ITGBL1: variants seen among roughly 807,000 people sequenced by gnomAD.
ITGBL1 encodes integrin beta-like protein 1.
ITGBL1 carries 51 observed loss-of-function variants against 68.5 expected under a neutral mutation model. That is an observed-to-expected ratio of 0.74 (90% CI 0.59 to 0.94). ITGBL1 has a LOEUF of 0.94. Among genes scored for constraint, ITGBL1 ranks in the 40% least tolerant of loss-of-function variants. The probability of loss-of-function intolerance (pLI) is 0.00; values close to 1 mark genes in which losing one functional copy is unlikely to be tolerated. For missense variants in ITGBL1, 649 were observed against 647.4 expected (o/e 1.00, Z -0.03); for synonymous variants, 209 against 227.3 (o/e 0.92, Z 0.72).
chr13:101,673,409 T>C (rs190710620), intron 7 of ITGBL1, among the ~76,000 whole-genome samples: 8 of 152,284 alleles, frequency 5.3e-5, no homozygotes, highest in Non-Finnish European at 1.0e-4. Flanking sequence ...AGCTATAAGA[T>C]ACGAAATGAT....
intron 9 of ITGBL1, among the ~76,000 whole-genome samples, chr13:101,708,598 T>C (rs1261763452): frequency 6.6e-6 from 1 of 152,210 alleles, no homozygotes; most frequent in African/African-American, 2.4e-5. Context: ...CAGTAGCTTT[T>C]GTTTTGCCTC....
chr13:101,475,718 C>A (rs1448833576), intron 2 of ITGBL1, among the ~76,000 whole-genome samples: 1 of 147,524 alleles, frequency 6.8e-6, no homozygotes, highest in Non-Finnish European at 1.5e-5. Context: ...AACTCCAATA[C>A]ATTGGAGCAG....
intron 7 of ITGBL1, among the ~76,000 whole-genome samples, chr13:101,628,409 A>T (rs1374871711): frequency 1.3e-5 from 2 of 150,092 alleles, no homozygotes; most frequent in African/African-American, 4.9e-5. Flanking sequence ...TGTTCTCTTG[A>T]TATTTCTTTT....
chr13:101,663,455 C>T (rs1484512184), intron 7 of ITGBL1, among the ~76,000 whole-genome samples: 1 of 152,136 alleles, frequency 6.6e-6, no homozygotes, highest in Admixed American at 6.6e-5. Context: ...TTAAAACTGT[C>T]ATCAAAATGG....
intron 7 of ITGBL1, among the ~76,000 whole-genome samples, chr13:101,659,837 G>C (rs1434723204): frequency 6.6e-6 from 1 of 152,152 alleles, no homozygotes; most frequent in African/African-American, 2.4e-5. Context: ...ATGCCAGTGT[G>C]TTTGGACCTC....
At chr13:101,665,836 A>T (rs865893246) in intron 7 of ITGBL1, among the ~76,000 whole-genome samples, 21 of 152,300 alleles carry the variant, frequency 1.4e-4, no homozygotes, top group Middle Eastern at 3.4e-3. Flanking sequence ...GACTGCCAAA[A>T]CCACAGCGTT....
chr13:101,717,746 G>A (rs903723588), downstream of ITGBL1: 7 of 152,064 alleles, frequency 4.6e-5, no homozygotes, highest in Admixed American at 1.3e-4. Flanking sequence ...CCATACAAAA[G>A]CAACTTAAGG....
intron 7 of ITGBL1, among the ~76,000 whole-genome samples, chr13:101,632,721 T>G (rs1429407886): frequency 6.6e-6 from 1 of 152,218 alleles, no homozygotes; most frequent in African/African-American, 2.4e-5. Flanking sequence ...TTAATTTGGG[T>G]GAAAGATACA....
At chr13:101,705,608 C>G (rs1306387989) in intron 8 of ITGBL1, among the ~76,000 whole-genome samples, 1 of 151,562 alleles carries the variant, frequency 6.6e-6, no homozygotes, top group Non-Finnish European at 1.5e-5. Flanking sequence ...ATTCCTATCA[C>G]TCCTAAAAAA....
intron 2 of ITGBL1, among the ~76,000 whole-genome samples, chr13:101,540,146 G>A (rs987309336): frequency 4.6e-5 from 7 of 152,106 alleles, no homozygotes; most frequent in Non-Finnish European, 8.8e-5. Context: ...GTCCTGAATG[G>A]TATTGCCTAG....
intron 7 of ITGBL1, among the ~76,000 whole-genome samples, chr13:101,608,433 C>A (rs1289273008): frequency 6.6e-6 from 1 of 151,070 alleles, no homozygotes; most frequent in African/African-American, 2.4e-5. Context: ...ACAGCTGAAT[C>A]ATTACCTTTC....
chr13:101,513,803 A>G (rs990803913), intron 2 of ITGBL1, among the ~76,000 whole-genome samples: 2 of 152,118 alleles, frequency 1.3e-5, no homozygotes. Flanking sequence ...TCACATCTGC[A>G]GTAATTATTT....
At chr13:101,550,805 CT>C (rs1485154518) in intron 2 of ITGBL1, among the ~76,000 whole-genome samples, 1 of 152,088 alleles carries the variant, frequency 6.6e-6, no homozygotes, top group Admixed American at 6.6e-5. Flanking sequence ...CTTTTAATTC[CT>C]TTCTATTTTC....
chr13:101,720,696 A>C (rs1461980992), downstream of ITGBL1: 1 of 152,026 alleles, frequency 6.6e-6, no homozygotes, highest in African/African-American at 2.4e-5. Flanking sequence ...GTTTTCTGAA[A>C]ATAATTGGTT....
chr13:101,596,428 C>T (rs1235035184), intron 6 of ITGBL1, among the ~76,000 whole-genome samples: 1 of 151,754 alleles, frequency 6.6e-6, no homozygotes, highest in Non-Finnish European at 1.5e-5. Flanking sequence ...TAGATATTCC[C>T]ACTGCACATA....
At chr13:101,634,743 G>C (rs1204410506) in intron 7 of ITGBL1, among the ~76,000 whole-genome samples, 1 of 151,998 alleles carries the variant, frequency 6.6e-6, no homozygotes, top group Non-Finnish European at 1.5e-5. Flanking sequence ...ATATAAACAA[G>C]AAACAAAGGA....
chr13:101,685,226 GTCT>G (rs2033728036), intron 7 of ITGBL1, among the ~76,000 whole-genome samples: 1 of 151,888 alleles, frequency 6.6e-6, no homozygotes. Context: ...AAAATTATAA[GTCT>G]TCTCCTATGG....
intron 10 of ITGBL1, chr13:101,714,888 A>G (rs772637565): frequency 6.1e-5 from 16 of 263,830 alleles, no homozygotes; most frequent in Non-Finnish European, 1.0e-4. Flanking sequence ...AACATGGTAT[A>G]GGGAATGAAA....
intron 2 of ITGBL1, among the ~76,000 whole-genome samples, chr13:101,503,900 C>T (rs1390367856): frequency 6.6e-6 from 1 of 152,180 alleles, no homozygotes; most frequent in Non-Finnish European, 1.5e-5. Context: ...CAGGTTGTCA[C>T]TAGGAAGACA....
Sources: gnomAD v4.1 joint callset for allele counts (sites outside exome capture counted in the v4.1 genomes callset) on GRCh38, gnomAD v4.1.1 for gene constraint, MANE v1.5 for transcripts, NCBI Gene and HGNC (gene_info 2026-07-23, HGNC 2026-07-21) for gene names.